Variants in ADAMTSL1 observed in about 807,000 individuals in gnomAD.
ADAMTSL1 encodes the protein ADAMTS-like protein 1.
In ADAMTSL1, 126 loss-of-function variants were observed where a neutral mutation model predicts 201.8. That is an observed-to-expected ratio of 0.62 (90% CI 0.54 to 0.72). The LOEUF (loss-of-function observed/expected upper bound fraction) is 0.72, where lower values mean the gene tolerates loss of function less well. Among genes scored for constraint, ADAMTSL1 ranks in the 30% least tolerant of loss-of-function variants. The probability of loss-of-function intolerance (pLI) is 0.00; values close to 1 mark genes in which losing one functional copy is unlikely to be tolerated. For synonymous variants in ADAMTSL1, 1,121 were observed against 903.4 expected (o/e 1.24, Z -4.32); for missense variants, 2,679 against 2,277.8 (o/e 1.18, Z -3.59).
At chr9:18,245,852 A>AT (rs1485781589) in intron 2 of ADAMTSL1, among the ~76,000 whole-genome samples, 2 of 152,098 alleles carry the variant, frequency 1.3e-5, no homozygotes, top group Non-Finnish European at 2.9e-5. Context: ...GCAAAATTTC[A>AT]TTTTTTGGTT....
At chr9:17,921,240 C>G (rs1297812805) in intron 1 of ADAMTSL1, among the ~76,000 whole-genome samples, 2 of 152,108 alleles carry the variant, frequency 1.3e-5, no homozygotes, top group Admixed American at 1.3e-4. Flanking sequence ...GTATTCCTAG[C>G]TGGGGACAAA....
chr9:18,450,990 G>A (rs1270612811), intron 2 of ADAMTSL1, among the ~76,000 whole-genome samples: 1 of 152,144 alleles, frequency 6.6e-6, no homozygotes, highest in Admixed American at 6.5e-5. Flanking sequence ...CCAGTATTTT[G>A]AATCATTCAT....
intron 3 of ADAMTSL1, among the ~76,000 whole-genome samples, chr9:18,533,529 T>G (rs1297417447): frequency 1.3e-5 from 2 of 152,166 alleles, no homozygotes; most frequent in African/African-American, 2.4e-5. Flanking sequence ...GGACTCTACA[T>G]TTCCTCCCTA....
chr9:18,350,700 T>C (rs954133565), intron 2 of ADAMTSL1, among the ~76,000 whole-genome samples: 10 of 152,118 alleles, frequency 6.6e-5, no homozygotes, highest in African/African-American at 2.4e-4. Flanking sequence ...ATTCTGGAAT[T>C]TCCACTTTTC....
At chr9:18,615,494 A>T (rs1028721850) in intron 4 of ADAMTSL1, among the ~76,000 whole-genome samples, 2 of 152,300 alleles carry the variant, frequency 1.3e-5, no homozygotes, top group East Asian at 3.9e-4. Context: ...TGTTATTACC[A>T]CTCACTATTG....
At chr9:18,594,751 A>G (rs999544060) in intron 4 of ADAMTSL1, among the ~76,000 whole-genome samples, 3 of 152,108 alleles carry the variant, frequency 2.0e-5, no homozygotes, top group African/African-American at 4.8e-5. Flanking sequence ...TCCTTAAAAC[A>G]GCTATTTTGA....
chr9:18,315,334 G>T (rs56147320), intron 2 of ADAMTSL1, among the ~76,000 whole-genome samples: 1 of 151,942 alleles, frequency 6.6e-6, no homozygotes, highest in African/African-American at 2.4e-5. Context: ...TCCCGCGCCA[G>T]GGTCGCAGGC....
intron 1 of ADAMTSL1, among the ~76,000 whole-genome samples, chr9:18,046,296 G>T (rs1821654444): frequency 6.6e-6 from 1 of 152,134 alleles, no homozygotes; most frequent in Non-Finnish European, 1.5e-5. Context: ...CTTTACCACA[G>T]GCCTTTTCTA....
At chr9:18,266,484 C>G (rs372050618) in intron 2 of ADAMTSL1, among the ~76,000 whole-genome samples, 2 of 152,154 alleles carry the variant, frequency 1.3e-5, no homozygotes, top group Non-Finnish European at 2.9e-5. Flanking sequence ...AAAAATGATA[C>G]TTCATGAGCT....
At chr9:18,582,036 G>A (rs1354459737) in intron 4 of ADAMTSL1, among the ~76,000 whole-genome samples, 5 of 152,262 alleles carry the variant, frequency 3.3e-5, no homozygotes, top group African/African-American at 1.2e-4. Context: ...CAATTAACAG[G>A]TATCCAAGCC....
At chr9:17,993,694 A>AT (rs1461361980) in intron 1 of ADAMTSL1, among the ~76,000 whole-genome samples, 1 of 152,114 alleles carries the variant, frequency 6.6e-6, no homozygotes. Context: ...GATCCTTCAC[A>AT]TTTTTCTAAT....
At chr9:18,014,479 C>T (rs1385519581) in intron 1 of ADAMTSL1, among the ~76,000 whole-genome samples, 2 of 151,926 alleles carry the variant, frequency 1.3e-5, no homozygotes, top group African/African-American at 2.4e-5. Context: ...AGAATTATTT[C>T]AACAATAAAA....
intron 1 of ADAMTSL1, among the ~76,000 whole-genome samples, chr9:18,132,423 A>G (rs902280432): frequency 6.6e-6 from 1 of 152,024 alleles, no homozygotes; most frequent in Non-Finnish European, 1.5e-5. Flanking sequence ...CCAAACTGAA[A>G]CTCTACCCAT....
intron 2 of ADAMTSL1, among the ~76,000 whole-genome samples, chr9:18,208,376 T>C (rs1023375236): frequency 2.0e-5 from 3 of 152,032 alleles, no homozygotes; most frequent in African/African-American, 7.2e-5. Flanking sequence ...CTGAGGCGAG[T>C]CTGGGCATTG....
At chr9:18,413,000 G>A (rs1034178636) in intron 2 of ADAMTSL1, among the ~76,000 whole-genome samples, 1 of 151,614 alleles carries the variant, frequency 6.6e-6, no homozygotes, top group African/African-American at 2.4e-5. Flanking sequence ...TTGCCTTGTC[G>A]TTTTTTGTTA....
Position 18,042,619 on chromosome 9 carries a change from A to C in ADAMTSL1, c.88-121243A>C, listed in dbSNP as rs374845405. On this transcript the variant is annotated intron_variant, in intron 1 of 29. Transcript: ENST00000680146. ...TAGTCAGGATCAAATTGAAGTTATCAGAGAAAGCTCTTATAACCCAAATGA... is the reference window on the plus strand; with the variant it reads ...TAGTCAGGATCAAATTGAAGTTATCCGAGAAAGCTCTTATAACCCAAATGA... 1.5e-3 allele frequency among the ~76,000 whole-genome samples: 235 copies of C among 152,288 alleles called. 7 individuals carry two copies. In the South Asian group the frequency reaches 0.048, roughly 31 times the overall value.
intron 4 of ADAMTSL1, among the ~76,000 whole-genome samples, chr9:18,588,737 T>C (rs983289534): frequency 1.3e-5 from 2 of 151,776 alleles, no homozygotes; most frequent in African/African-American, 2.4e-5. Context: ...TGCATATTCT[T>C]GGGATCTTTG....
At chr9:18,599,102 T>G (rs1824460802) in intron 4 of ADAMTSL1, among the ~76,000 whole-genome samples, 2 of 152,188 alleles carry the variant, frequency 1.3e-5, no homozygotes, top group African/African-American at 4.8e-5. Flanking sequence ...ACAGAAAGAT[T>G]TATTAATTTG....
In ADAMTSL1 at chr9:18,584,383, T is replaced by C. The variant is rs182243839; in HGVS notation, c.474+10117T>C. 9.9e-3 allele frequency among the ~76,000 whole-genome samples: 1,500 copies of C among 152,022 alleles called. 22 individuals are homozygous for C. The highest frequency in any genetic ancestry group is 0.035 in the African/African-American group (1,443 of 41,370). ...GATTGTGAGGCCCCCCCCAGCCACA[T>C]GGAACTGTAAGTCCAATAAACCTCT... On this transcript the variant is annotated intron_variant, in intron 4 of 28. Coordinates refer to ENST00000380548, the MANE Select transcript of ADAMTSL1 (RefSeq NM_001040272.6).
Sources: gnomAD v4.1 joint callset for allele counts (sites outside exome capture counted in the v4.1 genomes callset) on GRCh38, gnomAD v4.1.1 for gene constraint, MANE v1.5 for transcripts, NCBI Gene and HGNC (gene_info 2026-07-23, HGNC 2026-07-21) for gene names.